Variants in DIAPH2 observed in about 807,000 individuals in gnomAD.
DIAPH2 encodes the protein protein diaphanous homolog 2.
DIAPH2 carries 35 observed loss-of-function variants against 92.7 expected under a neutral mutation model. The observed-to-expected ratio is 0.38, with a 90% CI of 0.29 to 0.50. The LOEUF (loss-of-function observed/expected upper bound fraction) is 0.50. Among genes scored for constraint, DIAPH2 ranks in the 20% least tolerant of loss-of-function variants. The pLI is 0.94. For missense variants in DIAPH2, 701 were observed against 819.5 expected (o/e 0.86, Z 1.77); for synonymous variants, 301 against 280.4 (o/e 1.07, Z -0.73).
chrX:96,764,717 G>C (rs1243500846), intron 4 of DIAPH2, among the ~76,000 whole-genome samples: 1 of 111,312 alleles, frequency 9.0e-6, no homozygotes, highest in African/African-American at 3.3e-5. Context: ...CAGAGATTCT[G>C]CTAAGGTAGT....
intron 26 of DIAPH2, among the ~76,000 whole-genome samples, chrX:97,562,690 C>T (rs181329512): frequency 8.2e-4 from 92 of 111,549 alleles, no homozygotes; most frequent in African/African-American, 2.9e-3. Context: ...GGGAAATATT[C>T]GGGAATTTTA....
In DIAPH2 at chrX:97,471,462, G is replaced by A. The variant is rs768267877; in HGVS notation, c.3241+41717G>A. ...TCCCAACACTTTGAGAGGCCAAGGCGGGCGGATCACCTGAGGTCAGGAGTT... is the reference window on the plus strand; with the variant it reads ...TCCCAACACTTTGAGAGGCCAAGGCAGGCGGATCACCTGAGGTCAGGAGTT... On this transcript the variant is annotated intron_variant, in intron 26 of 26. Transcript: ENST00000324765. Among the ~76,000 whole-genome samples, 8 of 110,625 alleles carry A rather than the reference G, an allele frequency of 7.2e-5. No homozygotes were observed. The East Asian group carries it at 8.5e-4, about 12-fold the overall frequency.
At chrX:96,980,573 G>A (rs1220422418) in intron 17 of DIAPH2, among the ~76,000 whole-genome samples, 1 of 110,783 alleles carries the variant, frequency 9.0e-6, no homozygotes, top group Non-Finnish European at 1.9e-5. Flanking sequence ...ATGGTTCCAG[G>A]CTTGAAGGTG....
At chrX:97,140,092 A>T (rs2147407819) in intron 21 of DIAPH2, among the ~76,000 whole-genome samples, 1 of 111,796 alleles carries the variant, frequency 8.9e-6, no homozygotes, top group South Asian at 3.7e-4. Flanking sequence ...ATACATAGGA[A>T]TTTCCTTTCC....
intron 3 of DIAPH2, among the ~76,000 whole-genome samples, chrX:96,747,203 C>A (rs772561828): frequency 1.1e-3 from 123 of 111,282 alleles, no homozygotes; most frequent in Non-Finnish European, 1.2e-3. Context: ...AAAAAGTAAA[C>A]CCATAGAAAT....
chrX:96,784,530 A>G (rs2064441298), intron 4 of DIAPH2, among the ~76,000 whole-genome samples: 1 of 112,231 alleles, frequency 8.9e-6, no homozygotes. Context: ...ATACACAATT[A>G]AATGAGTGAA....
chrX:97,007,108 TTC>T lies in DIAPH2; in HGVS notation c.2050+41905_2050+41906del, dbSNP rs200475896. ...CCCTTGCTTTTTAACTTTTTGTTTT[TTC>T]TCTTTATATCTTATTGTACTATGTC... is the stretch of plus-strand genomic sequence containing the variant. On this transcript the variant is annotated intron_variant, in intron 17 of 26. Coordinates refer to ENST00000324765, the MANE Select transcript of DIAPH2 (RefSeq NM_006729.5). Among the ~76,000 whole-genome samples, 849 of 112,075 alleles carry T rather than the reference TTC, an allele frequency of 7.6e-3. 8 individuals are homozygous for T. Among genetic ancestry groups the T allele is most frequent in the African/African-American group, 0.026 (812 of 30,877 alleles).
Position 96,942,096 on chromosome X carries a change from A to G in DIAPH2, c.1404A>G (p.Lys468=). The part of the protein sequence containing the change: ...LHCSGMDPDF[K]YRQRLDIDLT... ...GCAGTGGTATGGATCCAGACTTCAAATACAGGCAAAGATTAGACATCGATT... is the reference window on the plus strand; with the variant it reads ...GCAGTGGTATGGATCCAGACTTCAAGTACAGGCAAAGATTAGACATCGATT... Residue 468 remains lysine, a synonymous_variant, in exon 13 of 27, where the codon AAA becomes AAG. Transcript: ENST00000324765. The G allele has an allele frequency of 8.5e-7, 1 of 1,180,262 alleles. No homozygotes were observed. Among genetic ancestry groups the G allele is most frequent in the Non-Finnish European group, 1.2e-6 (1 of 867,223 alleles).
Position 97,348,151 on chromosome X carries a change from A to G in DIAPH2, c.2880A>G (p.Lys960=), listed in dbSNP as rs1569369435. 1 of 1,209,926 alleles carries G rather than the reference A, an allele frequency of 8.3e-7. No homozygotes were observed. Among genetic ancestry groups the G allele is most frequent in the South Asian group, 1.8e-5 (1 of 56,783 alleles). ...AGACTGCCCGAGAACAGTATGAAAA[A>G]CTCTCCACCATGCACAACAACATGA... ...FTKTAREQYE[K]LSTMHNNMMK... The change falls in exon 24 of 27, where the codon AAA becomes AAG. Residue 960 remains lysine, a synonymous_variant. Transcript: ENST00000324765.
chrX:97,191,391 T>C (rs779263849), intron 22 of DIAPH2, among the ~76,000 whole-genome samples: 1 of 111,183 alleles, frequency 9.0e-6, no homozygotes, highest in Non-Finnish European at 1.9e-5. Context: ...AGATCAAGTG[T>C]AGAAATAAAA....
intron 1 of DIAPH2, among the ~76,000 whole-genome samples, chrX:96,711,963 C>T (rs2063921149): frequency 9.0e-6 from 1 of 111,232 alleles, no homozygotes; most frequent in Non-Finnish European, 1.9e-5. Context: ...GGGTGATATC[C>T]TTGGCAAACT....
chrX:97,509,328 T>G (rs2070863339), intron 26 of DIAPH2, among the ~76,000 whole-genome samples: 1 of 109,923 alleles, frequency 9.1e-6, no homozygotes, highest in South Asian at 3.9e-4. Context: ...ATTACAGGCG[T>G]AAGCCACTGT....
intron 3 of DIAPH2, among the ~76,000 whole-genome samples, chrX:96,742,221 A>G (rs1035185419): frequency 5.4e-5 from 6 of 111,663 alleles, no homozygotes; most frequent in African/African-American, 2.0e-4. Flanking sequence ...AACCATTAGA[A>G]AATCTCATTA....
At chrX:97,556,774 G>C (rs1048228800) in intron 26 of DIAPH2, among the ~76,000 whole-genome samples, 1 of 112,057 alleles carries the variant, frequency 8.9e-6, no homozygotes, top group South Asian at 3.7e-4. Flanking sequence ...TACCTTTTTT[G>C]TACCAAATAC....
At chrX:97,021,725 A>G (rs2037357269) in intron 17 of DIAPH2, among the ~76,000 whole-genome samples, 1 of 112,006 alleles carries the variant, frequency 8.9e-6, no homozygotes, top group South Asian at 3.7e-4. Context: ...AAAATAAGTC[A>G]TTGGTTATTA....
chrX:97,318,766 T>C (rs1473117957), intron 23 of DIAPH2, among the ~76,000 whole-genome samples: 1 of 110,600 alleles, frequency 9.0e-6, no homozygotes, highest in Non-Finnish European at 1.9e-5. Context: ...ATTACAGGCA[T>C]GAGCCACCAC....
At chrX:97,150,060 C>G (rs907119230) in intron 22 of DIAPH2, among the ~76,000 whole-genome samples, 23 of 110,856 alleles carry the variant, frequency 2.1e-4, no homozygotes, top group Non-Finnish European at 4.0e-4. Flanking sequence ...GATCTACCCT[C>G]TTAAATTTTT....
At chrX:97,333,651 G>A (rs761602974) in intron 23 of DIAPH2, among the ~76,000 whole-genome samples, 3 of 108,634 alleles carry the variant, frequency 2.8e-5, no homozygotes, top group Admixed American at 9.9e-5. Flanking sequence ...TGTAACCTCC[G>A]CCTCCCAGGT....
intron 17 of DIAPH2, among the ~76,000 whole-genome samples, chrX:97,062,194 C>G (rs10521495): frequency 0.14 from 15,971 of 111,138 alleles, 1,051 homozygotes; most frequent in East Asian, 0.34. Context: ...TTTGTCATTC[C>G]TATGAGACCA....
Sources: gnomAD v4.1 joint callset for allele counts (sites outside exome capture counted in the v4.1 genomes callset) on GRCh38, gnomAD v4.1.1 for gene constraint, MANE v1.5 for transcripts, NCBI Gene and HGNC (gene_info 2026-07-23, HGNC 2026-07-21) for gene names.